RAB8B: variants seen among roughly 807,000 people sequenced by gnomAD.
RAB8B encodes ras-related protein Rab-8B.
A neutral mutation model predicts 32.0 loss-of-function variants in RAB8B; 11 were observed. The observed-to-expected ratio is 0.34, with a 90% CI of 0.22 to 0.57. The LOEUF is 0.57. Among genes scored for constraint, RAB8B ranks in the 20% least tolerant of loss-of-function variants. RAB8B has a pLI of 0.86. For synonymous variants in RAB8B, 103 were observed against 89.6 expected (o/e 1.15, Z -0.85); for missense variants, 190 against 258.5 (o/e 0.73, Z 1.82).
intron 1 of RAB8B, among the ~76,000 whole-genome samples, chr15:63,207,663 G>A (rs907247491): frequency 1.3e-5 from 2 of 151,864 alleles, no homozygotes; most frequent in African/African-American, 2.4e-5. Context: ...GGGTTCAAGC[G>A]ATTCCCTTGC....
Position 63,259,574 on chromosome 15 carries a change from T to G in RAB8B, c.415-53T>G. Reference sequence around the variant, plus strand: ...GAAAAACCTAAGAAATACAAATGCATTATGTGTTCAAGTATCTTTTGCTAA... The same window carrying G: ...GAAAAACCTAAGAAATACAAATGCAGTATGTGTTCAAGTATCTTTTGCTAA... On this transcript the variant is annotated intron_variant, in intron 5 of 7. Transcript: ENST00000321437. The surrounding 1 kb of genome is among the most constrained non-coding windows in gnomAD (Gnocchi z 4.4). The G allele has an allele frequency of 1.4e-6, 2 of 1,452,330 alleles. No homozygotes were observed. The highest frequency in any genetic ancestry group is 1.9e-6 in the Non-Finnish European group (2 of 1,035,730). The allele number at this position is 1,452,330 out of a possible 1,614,324, so 90.0% of individuals were successfully genotyped here.
At chr15:63,243,508 C>T (rs1469080911) in intron 1 of RAB8B, among the ~76,000 whole-genome samples, 1 of 152,120 alleles carries the variant, frequency 6.6e-6, no homozygotes, top group Non-Finnish European at 1.5e-5. Context: ...AAGTTTTGAG[C>T]TACCATAGTG....
intron 1 of RAB8B, among the ~76,000 whole-genome samples, chr15:63,214,499 C>G (rs956023319): frequency 1.1e-4 from 17 of 151,852 alleles, no homozygotes; most frequent in Non-Finnish European, 1.9e-4. Flanking sequence ...ACCATGTTGG[C>G]CAGGCTGGTC....
At chr15:63,234,290 A>G (rs73443204) in intron 1 of RAB8B, among the ~76,000 whole-genome samples, 138 of 152,310 alleles carry the variant, frequency 9.1e-4, no homozygotes, top group African/African-American at 3.2e-3. Context: ...CACTCCAGCA[A>G]TGGTATCCTT....
intron 1 of RAB8B, among the ~76,000 whole-genome samples, chr15:63,244,244 A>G (rs2038054270): frequency 6.6e-6 from 1 of 152,204 alleles, no homozygotes; most frequent in South Asian, 2.1e-4. Flanking sequence ...TGTATAAAAT[A>G]CTTGCTAACT....
intron 1 of RAB8B, among the ~76,000 whole-genome samples, chr15:63,217,641 A>C (rs918459126): frequency 1.3e-5 from 2 of 152,264 alleles, no homozygotes; most frequent in African/African-American, 4.8e-5. Context: ...CTCATTGTGC[A>C]AATGAGTGGT....
intron 1 of RAB8B, among the ~76,000 whole-genome samples, chr15:63,212,176 C>T (rs1371180296): frequency 6.6e-6 from 1 of 152,130 alleles, no homozygotes; most frequent in African/African-American, 2.4e-5. Context: ...GTCTTTCCTC[C>T]TGAATTGATG....
At position 63,229,382 on chromosome 15, in the gene RAB8B, G is replaced by A. The variant is rs146687515; in HGVS notation, c.125-15374G>A. Among the ~76,000 whole-genome samples the A allele has an allele frequency of 3.4e-3, 522 of 152,288 alleles. 3 individuals carry two copies. The highest frequency in any genetic ancestry group is 3.5e-3 in the Non-Finnish European group (240 of 68,012). On this transcript the variant is annotated intron_variant, in intron 1 of 7. Coordinates refer to ENST00000321437, the MANE Select transcript of RAB8B (RefSeq NM_016530.3). The stretch of plus-strand genomic sequence containing the variant: ...GTATCTTATGTGTCAGTCATTTGGG[G>A]TGACTGCCTGATGATGACCTGTTTA...
chr15:63,243,172 A>G (rs2038046189), intron 1 of RAB8B, among the ~76,000 whole-genome samples: 1 of 152,238 alleles, frequency 6.6e-6, no homozygotes, highest in African/African-American at 2.4e-5. Context: ...CTGATCTGAC[A>G]GGAGGCTGAA....
intron 3 of RAB8B, chr15:63,251,191 C>T (rs2152580861): frequency 2.3e-6 from 1 of 434,374 alleles, no homozygotes; most frequent in Non-Finnish European, 4.6e-6. Context: ...AGCTGCCAGC[C>T]ACTTTCTATT....
intron 1 of RAB8B, among the ~76,000 whole-genome samples, chr15:63,218,251 T>TA (rs1347057161): frequency 6.6e-6 from 1 of 152,338 alleles, no homozygotes; most frequent in East Asian, 1.9e-4. Flanking sequence ...TGTTTCCTCT[T>TA]ACGTTAAATG....
At chr15:63,238,348 C>T (rs72747101) in intron 1 of RAB8B, among the ~76,000 whole-genome samples, 3,161 of 152,104 alleles carry the variant, frequency 0.021, 53 homozygotes, top group South Asian at 0.091. Context: ...GGGGATAAGC[C>T]AAGTCTTTGG....
chr15:63,248,507 A>G lies in RAB8B; in HGVS notation c.186-1138A>G, dbSNP rs538096578. ...AGCCTGGGTGACAGAGCGAGACTCC[A>G]TCTCAAAAACAAACAAACAAATAAA... On this transcript the variant is annotated intron_variant, in intron 2 of 7. Coordinates refer to ENST00000321437, the MANE Select transcript of RAB8B (RefSeq NM_016530.3). This position sits in a 1 kb window ranked among gnomAD's most constrained non-coding sequence, Gnocchi z 4.4. 4.4e-4 allele frequency among the ~76,000 whole-genome samples: 67 copies of G among 152,276 alleles called. No individual in the cohort carries two copies. Among genetic ancestry groups the G allele is most frequent in the Non-Finnish European group, 9.1e-4 (62 of 68,024 alleles).
intron 1 of RAB8B, among the ~76,000 whole-genome samples, chr15:63,194,707 T>C (rs994118080): frequency 6.6e-6 from 1 of 152,236 alleles, no homozygotes; most frequent in Non-Finnish European, 1.5e-5. Context: ...GATATTTTTC[T>C]TGGGTTCACT....
rs151056007 is a variant in RAB8B at position 63,210,437 on chromosome 15, C to A, written c.124+20689C>A. Among the ~76,000 whole-genome samples, 220 of 152,320 alleles carry A rather than the reference C, an allele frequency of 1.4e-3. 1 individual carries two copies. The highest frequency in any genetic ancestry group is 5.1e-3 in the African/African-American group (214 of 41,560). ...TGCTTTGTCTACCTCTACTCTCTCC[C>A]CTAAAATCTTTTGTTACTGAGACTG... On this transcript the variant is annotated intron_variant, in intron 1 of 7. Coordinates refer to ENST00000321437, the MANE Select transcript of RAB8B (RefSeq NM_016530.3).
chr15:63,236,844 A>G (rs2141131483), intron 1 of RAB8B, among the ~76,000 whole-genome samples: 1 of 152,266 alleles, frequency 6.6e-6, no homozygotes, highest in Non-Finnish European at 1.5e-5. Flanking sequence ...AGCAAATACT[A>G]GGTCTTATTC....
chr15:63,228,959 A>T (rs958125839), intron 1 of RAB8B, among the ~76,000 whole-genome samples: 1 of 152,220 alleles, frequency 6.6e-6, no homozygotes, highest in Non-Finnish European at 1.5e-5. Flanking sequence ...TTAGCCTAAC[A>T]TAGCTATATA....
At chr15:63,217,678 C>T (rs1443545700) in intron 1 of RAB8B, among the ~76,000 whole-genome samples, 3 of 152,086 alleles carry the variant, frequency 2.0e-5, no homozygotes, top group Non-Finnish European at 4.4e-5. Context: ...TAAAGCATTG[C>T]CTTTAATAAT....
intron 3 of RAB8B, among the ~76,000 whole-genome samples, chr15:63,253,513 A>T (rs1487015339): frequency 6.6e-6 from 1 of 152,088 alleles, no homozygotes; most frequent in Non-Finnish European, 1.5e-5. Flanking sequence ...GGATTAGAGG[A>T]GGCTAAGAAT....
Sources: gnomAD v4.1 joint callset for allele counts (sites outside exome capture counted in the v4.1 genomes callset) on GRCh38, gnomAD v4.1.1 for gene constraint, Gnocchi (gnomAD v3.1) non-coding constraint, MANE v1.5 for transcripts, NCBI Gene and HGNC (gene_info 2026-07-23, HGNC 2026-07-21) for gene names.